SRPRA: variants seen among roughly 807,000 people sequenced by gnomAD.
SRPRA encodes signal recognition particle receptor subunit alpha.
SRPRA carries 30 observed loss-of-function variants against 61.1 expected under a neutral mutation model. That is an observed-to-expected ratio of 0.49 (90% CI 0.37 to 0.67). The LOEUF is 0.67. SRPRA is among the 30% of genes least tolerant of loss of function. The pLI is 0.00. For synonymous variants in SRPRA, 324 were observed against 299.7 expected (o/e 1.08, Z -0.84); for missense variants, 759 against 828.4 (o/e 0.92, Z 1.03).
chr11:126,254,180 C>T, the SRPRA span: 1 of 1,179,202 alleles, frequency 8.5e-7, no homozygotes, highest in Admixed American at 2.6e-5. Flanking sequence ...CATTCTTGTC[C>T]TATATCATGA....
At chr11:126,239,714 A>G in the SRPRA span, among the ~76,000 whole-genome samples, 1 of 152,130 alleles carries the variant, frequency 6.6e-6, no homozygotes, top group South Asian at 2.1e-4. Context: ...GAGTTTCACC[A>G]TGTTGGCCAG....
At chr11:126,257,247 A>G in the SRPRA span, among the ~76,000 whole-genome samples, 1 of 152,226 alleles carries the variant, frequency 6.6e-6, no homozygotes, top group Non-Finnish European at 1.5e-5. Context: ...ATGACCATAA[A>G]TTAGAAGATG....
chr11:126,237,759 A>G, the SRPRA span, among the ~76,000 whole-genome samples: 1 of 143,798 alleles, frequency 7.0e-6, no homozygotes, highest in Admixed American at 7.0e-5. Flanking sequence ...CGGGAGGCTG[A>G]GGCAGGAGAA....
chr11:126,266,241 A>G lies in SRPRA; in HGVS notation c.878T>C (p.Leu293Pro). The G allele has an allele frequency of 1.2e-6, 2 of 1,614,204 alleles. No homozygotes were observed. The highest frequency in any genetic ancestry group is 1.7e-6 in the Non-Finnish European group (2 of 1,180,038). ...TTCGTCATCAGAGCTGCTGCAGTCC[A>G]GATCCTGAAGCTGCCCCCCAGACCC... ...GTGSGGQLQDLDCSSSDDEGA... is the reference protein window; with the variant it reads ...GTGSGGQLQDPDCSSSDDEGA... Residue 293 changes from leucine (L) to proline (P), a missense_variant, in exon 7 of 14, where the codon CTG (leucine) becomes CCG (proline). By Grantham distance (98) the Leu-to-Pro change is moderately conservative. Coordinates refer to ENST00000332118, the MANE Select transcript of SRPRA (RefSeq NM_003139.4).
At chr11:126,252,394 A>T in the SRPRA span, among the ~76,000 whole-genome samples, 1 of 152,170 alleles carries the variant, frequency 6.6e-6, no homozygotes, top group Non-Finnish European at 1.5e-5. The surrounding 1 kb of genome is among the most constrained non-coding windows in gnomAD (Gnocchi z 4.7). Context: ...CATAACTCAA[A>T]TACAACCCTC....
intron 4 of SRPRA, 70 bp from the exon 5 acceptor site, chr11:126,266,992 T>G (rs1014308561): frequency 1.3e-6 from 2 of 1,558,804 alleles, no homozygotes; most frequent in African/African-American, 2.8e-5. Context: ...GCTAAAAGTC[T>G]TCCAAATTGT....
At chr11:126,237,217 T>A in the SRPRA span, among the ~76,000 whole-genome samples, 2,644 of 93,042 alleles carry the variant, frequency 0.028, 115 homozygotes, top group African/African-American at 0.1. Flanking sequence ...CGCCTGGCCT[T>A]TTTTTTTTTT....
In SRPRA at chr11:126,263,837, C is replaced by CATA. The variant is rs1214962604; in HGVS notation, c.*76_*78dup. 6.4e-7 allele frequency: 1 copy of CATA among 1,571,796 alleles called. No homozygotes were observed. Among genetic ancestry groups the CATA allele is most frequent in the Admixed American group, 1.8e-5 (1 of 55,172 alleles). On this transcript the variant is annotated 3_prime_UTR_variant, in exon 14 of 14. Transcript: ENST00000332118. Reference sequence around the variant, plus strand: ...TACTACACTGAAGACAGGTTGCTCACATACTCTAAAGCACATTCTTGATAC... The same window carrying CATA: ...TACTACACTGAAGACAGGTTGCTCACATAATACTCTAAAGCACATTCTTGATAC...
At chr11:126,252,028 C>T in the SRPRA span, among the ~76,000 whole-genome samples, 3 of 151,436 alleles carry the variant, frequency 2.0e-5, no homozygotes, top group Non-Finnish European at 4.4e-5. This position sits in a 1 kb window ranked among gnomAD's most constrained non-coding sequence, Gnocchi z 4.7. Context: ...CTCTTGTCGC[C>T]CAGGCTGAAG....
the SRPRA span, among the ~76,000 whole-genome samples, chr11:126,239,674 C>T: frequency 6.0e-4 from 91 of 152,254 alleles, 1 homozygote; most frequent in African/African-American, 2.1e-3. Flanking sequence ...CCACCAGACC[C>T]AGCTAATTTT....
the SRPRA span, among the ~76,000 whole-genome samples, chr11:126,241,519 T>A: frequency 2.6e-5 from 4 of 152,268 alleles, no homozygotes; most frequent in East Asian, 7.7e-4. Flanking sequence ...ATAAAAGGAC[T>A]CCCTGTCTTG....
Position 126,267,690 on chromosome 11 carries a change from G to A in SRPRA, c.224C>T (p.Thr75Ile). The change falls in exon 3 of 14, where the codon ACA (threonine) becomes ATA (isoleucine). Residue 75 changes from threonine to isoleucine, a missense_variant. Thr to Ile is a moderately conservative substitution (Grantham distance 89). Around this residue, in one of 2 missense-constraint regions of SRPRA, gnomAD observed 475 missense variants for 462.5 expected, o/e 1.03. Coordinates refer to ENST00000332118, the MANE Select transcript of SRPRA (RefSeq NM_003139.4). The surrounding 1 kb of genome is among the most constrained non-coding windows in gnomAD (Gnocchi z 4.2). The stretch of plus-strand genomic sequence containing the variant: ...TATCAATTTGTCTACATATGTCAGT[G>A]TCAGGATCTTCTGAAAACCAACCTG... ...VFVVGFQKIL[T>I]LTYVDKLIDD... is the part of the protein sequence containing the mutation. The A allele has an allele frequency of 6.2e-7, 1 of 1,614,096 alleles. No individual in the cohort carries two copies. Among genetic ancestry groups the A allele is most frequent in the Admixed American group, 1.7e-5 (1 of 60,026 alleles).
At chr11:126,240,691 T>C in the SRPRA span, 4 of 1,262,456 alleles carry the variant, frequency 3.2e-6, no homozygotes, top group Non-Finnish European at 4.3e-6. Flanking sequence ...TCTTTGCAAC[T>C]ATAAAAGTTA....
At position 126,266,253 on chromosome 11, in the gene SRPRA, T is replaced by A. The variant is rs749166480; in HGVS notation, c.866A>T (p.Gln289Leu). Reference sequence around the variant, plus strand: ...GCTGCTGCAGTCCAGATCCTGAAGCTGCCCCCCAGACCCAGTCCCTCGAAT... The same window carrying A: ...GCTGCTGCAGTCCAGATCCTGAAGCAGCCCCCCAGACCCAGTCCCTCGAAT... ...NLIRGTGSGG[Q>L]LQDLDCSSSD... Residue 289 changes from glutamine (Q) to leucine (L), a missense_variant, in exon 7 of 14, where the codon CAG becomes CTG. Gln to Leu is a moderately radical substitution (Grantham distance 113). This residue lies in a region of SRPRA where 475 missense variants were observed against 462.5 expected (regional missense o/e 1.03). Transcript: ENST00000332118. 1 of 1,614,176 alleles carries A rather than the reference T, an allele frequency of 6.2e-7. No individual in the cohort carries two copies. The highest frequency in any genetic ancestry group is 8.5e-7 in the Non-Finnish European group (1 of 1,180,036).
At chr11:126,258,905 TAA>T (rs1273586752), downstream of SRPRA, among the ~76,000 whole-genome samples, 2 of 152,372 alleles carry the variant, frequency 1.3e-5, no homozygotes, top group African/African-American at 4.8e-5. Flanking sequence ...CTTAGTGCAC[TAA>T]GATTGCTCTA....
At chr11:126,261,155 GAAATGTA>G (rs10623520), downstream of SRPRA, 55 of 365,110 alleles carry the variant, frequency 1.5e-4, 1 homozygote, top group African/African-American at 2.0e-4. Context: ...GCCTGTATGT[GAAATGTA>G]AAATGTAAAA....
rs1950778618 is a variant in SRPRA, at chr11:126,265,055, G to A, written c.1429C>T (p.Pro477Ser). 6.2e-7 allele frequency: 1 copy of A among 1,614,178 alleles called. No homozygotes were observed. The highest frequency in any genetic ancestry group is 1.1e-5 in the South Asian group (1 of 91,078). ...THTRRLSALH[P>S]PEKHGGRTMV... is the part of the protein sequence containing the mutation. ...GTGCGGCCACCATGCTTCTCTGGAG[G>A]GTGTAGGGCACTCAAACGCCGGGTG... The change falls in exon 11 of 14, where the codon CCT becomes TCT. Residue 477 changes from proline to serine, a missense_variant. By Grantham distance (74) the Pro-to-Ser change is moderately conservative. Transcript: ENST00000332118. This position sits in a 1 kb window ranked among gnomAD's most constrained non-coding sequence, Gnocchi z 6.3.
rs1950791119 is a variant in SRPRA at position 126,265,473 on chromosome 11, G to GA, written c.1139-34dup. Reference sequence around the variant, plus strand: ...GGGAGGTGGAGGAGGTTGCAGCTGTGAAACTCAAGGAATGCTCTCAAAAAT... The same window carrying GA: ...GGGAGGTGGAGGAGGTTGCAGCTGTGAAAACTCAAGGAATGCTCTCAAAAAT... On this transcript the variant is annotated intron_variant, in intron 9 of 13. Transcript: ENST00000332118. This position sits in a 1 kb window ranked among gnomAD's most constrained non-coding sequence, Gnocchi z 6.3. The GA allele has an allele frequency of 4.4e-6, 7 of 1,593,652 alleles. No individual in the cohort carries two copies. In the Middle Eastern group the frequency reaches 5.1e-4, roughly 117 times the overall value.
chr11:126,246,861 C>T, the SRPRA span, among the ~76,000 whole-genome samples: 1 of 152,152 alleles, frequency 6.6e-6, no homozygotes, highest in Non-Finnish European at 1.5e-5. Flanking sequence ...GACTACTGAG[C>T]CTCCCTGTTT....
Sources: allele counts gnomAD v4.1 joint callset (sites outside exome capture counted in the v4.1 genomes callset), GRCh38; gene constraint gnomAD v4.1.1; regional missense constraint gnomAD v4.1.1; non-coding constraint Gnocchi (gnomAD v3.1); transcripts MANE v1.5; gene names NCBI Gene and HGNC (gene_info 2026-07-23, HGNC 2026-07-21).